ABCA13: variants seen among roughly 807,000 people sequenced by gnomAD.
ABCA13 encodes ATP binding cassette subfamily A member 13.
Under a neutral mutation model 478.7 loss-of-function variants are expected in ABCA13, and 476 were observed. The observed-to-expected ratio is 0.99, with a 90% CI of 0.92 to 1.07. The LOEUF is 1.07. ABCA13 is among the 50% of genes least tolerant of loss of function. The pLI is 0.00. For missense variants in ABCA13, 6,060 were observed against 5,910.6 expected (o/e 1.03, Z -0.83); for synonymous variants, 2,252 against 2,158.9 (o/e 1.04, Z -1.20).
At chr7:48,551,731 GTTTTA>G (rs1156305670) in intron 55 of ABCA13, among the ~76,000 whole-genome samples, 2 of 151,040 alleles carry the variant, frequency 1.3e-5, no homozygotes, top group African/African-American at 4.9e-5. Flanking sequence ...TCTTAGTTGT[GTTTTA>G]TTTTTGTAAC....
intron 41 of ABCA13, among the ~76,000 whole-genome samples, chr7:48,420,438 C>T (rs763340428): frequency 2.6e-5 from 4 of 152,124 alleles, no homozygotes; most frequent in South Asian, 4.1e-4. Flanking sequence ...AATATATTTT[C>T]GGCAATCTCT....
rs372525219 is a variant in ABCA13, at chr7:48,268,989, A to G, written c.2015A>G (p.Glu672Gly). The G allele has an allele frequency of 4.5e-6, 7 of 1,562,130 alleles. No individual in the cohort carries two copies. In the African/African-American group the frequency reaches 6.8e-5, roughly 15 times the overall value. The change falls in exon 16 of 62, where the codon GAG (glutamate) becomes GGG (glycine). Residue 672 changes from glutamate (E) to glycine (G), a missense_variant. Transcript: ENST00000435803. ...ATGTCTTTTTATTTAGCTTTTCCTGAGGAATCTCCTTGTTTTGAAGAAAAC... is the reference window on the plus strand; with the variant it reads ...ATGTCTTTTTATTTAGCTTTTCCTGGGGAATCTCCTTGTTTTGAAGAAAAC... The part of the protein sequence containing the change: ...SFQNRLLAFP[E>G]ESPCFEENMD...
chr7:48,336,308 G>A (rs1313350924), intron 28 of ABCA13, among the ~76,000 whole-genome samples: 1 of 152,214 alleles, frequency 6.6e-6, no homozygotes, highest in Non-Finnish European at 1.5e-5. Context: ...AAATGCTACT[G>A]TGTGAGTCTG....
intron 26 of ABCA13, among the ~76,000 whole-genome samples, chr7:48,315,044 C>T (rs995340448): frequency 2.0e-5 from 3 of 152,126 alleles, no homozygotes; most frequent in Admixed American, 6.5e-5. Flanking sequence ...GGAGTTTAGA[C>T]GGTTCAGCTC....
At chr7:48,261,047 C>T (rs1794110079) in intron 15 of ABCA13, among the ~76,000 whole-genome samples, 1 of 151,666 alleles carries the variant, frequency 6.6e-6, no homozygotes, top group South Asian at 2.1e-4. Flanking sequence ...GGCATAAAAA[C>T]ATAAATTTGA....
chr7:48,335,230 A>G (rs569940177), intron 27 of ABCA13, among the ~76,000 whole-genome samples, 192 bp from the exon 28 acceptor site: 111 of 152,332 alleles, frequency 7.3e-4, no homozygotes, highest in South Asian at 8.3e-4. Flanking sequence ...GACAGAGTCA[A>G]GGAGAGAGGT....
Position 48,192,962 on chromosome 7 carries a change from C to A in ABCA13, c.73C>A (p.Leu25Ile), listed in dbSNP as rs1354858883. The change falls in exon 2 of 62, where the codon CTT becomes ATT. Residue 25 changes from leucine (L) to isoleucine (I), a missense_variant. By Grantham distance (5) the Leu-to-Ile change is conservative (BLOSUM62 2). Around this residue, in one of 3 missense-constraint regions of ABCA13, gnomAD observed 4,423 missense variants for 4,309.1 expected, o/e 1.03. Transcript: ENST00000435803. ...TTTTTTTTTTTTAATTTTCTAGGTC[C>A]TTTTCCTTGCTGAATTCTTCTGGCC... ...NWLCRLRNPV[L>I]FLAEFFWPCI... is the part of the protein sequence containing the mutation. 1.3e-6 allele frequency: 2 copies of A among 1,505,982 alleles called. No homozygotes were observed. Among genetic ancestry groups the A allele is most frequent in the Non-Finnish European group, 1.8e-6 (2 of 1,135,574 alleles). 93.3% of individuals were successfully genotyped at this position (1,505,982 alleles called of 1,614,324 possible). A position where few individuals can be genotyped will look rare whatever the true frequency, so the allele number is the denominator to read the frequency against.
intron 15 of ABCA13, among the ~76,000 whole-genome samples, chr7:48,251,854 A>G (rs750026732): frequency 6.6e-6 from 1 of 152,258 alleles, no homozygotes; most frequent in Non-Finnish European, 1.5e-5. Flanking sequence ...TTAATATGTC[A>G]TTCAACTGCC....
In ABCA13 at chr7:48,522,493, A is replaced by T. The variant is rs1832619677; in HGVS notation, c.14052-1755A>T. On this transcript the variant is annotated intron_variant, in intron 53 of 61. Transcript: ENST00000435803. ...CTGGGTTGGAACAGCCACACTGTTC[A>T]GATATGAGATATGCTGCATATCTGG... Among the ~76,000 whole-genome samples the T allele has an allele frequency of 1.3e-5, 2 of 152,204 alleles. 1 individual carries two copies. Among genetic ancestry groups the T allele is most frequent in the South Asian group, 4.1e-4 (2 of 4,834 alleles).
In ABCA13 at chr7:48,427,870, C is replaced by G. The variant is rs1476303511; in HGVS notation, c.12564C>G (p.Tyr4188Ter). 1.3e-6 allele frequency: 2 copies of G among 1,586,296 alleles called. No homozygotes were observed. Among genetic ancestry groups the G allele is most frequent in the Non-Finnish European group, 1.7e-6 (2 of 1,165,992 alleles). Residue 4188 changes from tyrosine to a stop codon, truncating the protein, a stop_gained and splice_region_variant, in exon 42 of 62, where the codon TAC becomes TAG. Coordinates refer to ENST00000435803, the MANE Select transcript of ABCA13 (RefSeq NM_152701.5). LOFTEE classifies it high-confidence loss of function. ...GGCCTACAGGACATCTGTCTGGCTA[C>G]TGTAAGTACAGAATGGCTTCCTGCA... ...NHRPTGHLSG[Y>*]CGSLARPATV...
chr7:48,443,641 A>G (rs956814748), intron 42 of ABCA13, among the ~76,000 whole-genome samples: 1 of 152,122 alleles, frequency 6.6e-6, no homozygotes, highest in East Asian at 1.9e-4. Context: ...TGCAGGCTCT[A>G]TAGTAGATTC....
chr7:48,540,070 C>T (rs965839850), intron 55 of ABCA13, among the ~76,000 whole-genome samples: 8 of 152,060 alleles, frequency 5.3e-5, no homozygotes, highest in Admixed American at 1.3e-4. Flanking sequence ...ATACTACTTA[C>T]TCTGAAAGGA....
intron 59 of ABCA13, among the ~76,000 whole-genome samples, chr7:48,624,968 A>G (rs754080613): frequency 1.3e-5 from 2 of 152,328 alleles, no homozygotes; most frequent in Non-Finnish European, 2.9e-5. Flanking sequence ...TCCTTGAGTT[A>G]TCAACTGTAA....
At chr7:48,365,280 G>A (rs141237661) in intron 31 of ABCA13, among the ~76,000 whole-genome samples, 2 of 151,892 alleles carry the variant, frequency 1.3e-5, no homozygotes, top group African/African-American at 4.8e-5. Context: ...TCTTGCTATT[G>A]TATTTGTTTG....
At chr7:48,374,818 T>C (rs767324655) in intron 34 of ABCA13, among the ~76,000 whole-genome samples, 1 of 152,186 alleles carries the variant, frequency 6.6e-6, no homozygotes, top group Non-Finnish European at 1.5e-5. Context: ...AACTGAGCCT[T>C]ACAGCAGGAG....
chr7:48,537,132 T>C (rs1029947744), intron 55 of ABCA13, among the ~76,000 whole-genome samples: 3 of 152,204 alleles, frequency 2.0e-5, no homozygotes, highest in African/African-American at 4.8e-5. Context: ...TATTTAGAAA[T>C]TCAAATTATT....
intron 55 of ABCA13, among the ~76,000 whole-genome samples, chr7:48,569,168 G>A (rs1787368469): frequency 6.6e-6 from 1 of 151,658 alleles, no homozygotes; most frequent in Non-Finnish European, 1.5e-5. Flanking sequence ...GGTTTAGTTT[G>A]CTTTAGTTTT....
chr7:48,450,620 T>G (rs1824875510), intron 42 of ABCA13, among the ~76,000 whole-genome samples: 1 of 152,230 alleles, frequency 6.6e-6, no homozygotes, highest in African/African-American at 2.4e-5. Flanking sequence ...CTATATGTAT[T>G]ACTTTGCAAC....
intron 55 of ABCA13, among the ~76,000 whole-genome samples, chr7:48,535,367 C>T (rs1466779805): frequency 6.6e-6 from 1 of 152,184 alleles, no homozygotes; most frequent in Non-Finnish European, 1.5e-5. Flanking sequence ...GATCCATCTT[C>T]AGGTCTTTCA....
Sources: gnomAD v4.1 joint callset for allele counts (sites outside exome capture counted in the v4.1 genomes callset) on GRCh38, gnomAD v4.1.1 for gene constraint, gnomAD v4.1.1 regional missense constraint, MANE v1.5 for transcripts, NCBI Gene and HGNC (gene_info 2026-07-23, HGNC 2026-07-21) for gene names.